The following DPP6 variants were observed in gnomAD, a reference collection of about 807,000 sequenced individuals.
The protein encoded by DPP6 is A-type potassium channel modulatory protein DPP6.
Under a neutral mutation model 122.6 loss-of-function variants are expected in DPP6, and 69 were observed. That is an observed-to-expected ratio of 0.56 (90% CI 0.46 to 0.69). The LOEUF (loss-of-function observed/expected upper bound fraction) is 0.69. Among genes scored for constraint, DPP6 ranks in the 30% least tolerant of loss-of-function variants. DPP6 has a pLI of 0.00. For synonymous variants in DPP6, 418 were observed against 433.1 expected (o/e 0.97, Z 0.43); for missense variants, 928 against 1,116.9 (o/e 0.83, Z 2.41).
At chr7:153,867,128 T>G in the DPP6 span, among the ~76,000 whole-genome samples, 7 of 152,330 alleles carry the variant, frequency 4.6e-5, no homozygotes, top group Non-Finnish European at 1.0e-4. Flanking sequence ...GACTTGGCAA[T>G]GCGGGCTCTT....
chr7:154,651,902 A>G (rs1410713078), intron 6 of DPP6, among the ~76,000 whole-genome samples: 1 of 152,186 alleles, frequency 6.6e-6, no homozygotes, highest in Non-Finnish European at 1.5e-5. Flanking sequence ...GCATCCTCAC[A>G]CAAAGCCCCA....
chr7:154,466,799 A>G (rs61190656), intron 2 of DPP6, among the ~76,000 whole-genome samples: 9,848 of 152,270 alleles, frequency 0.065, 1,020 homozygotes, highest in African/African-American at 0.22. Flanking sequence ...AAAGATTCAC[A>G]TCCTTCTCAT....
chr7:153,798,370 A>G, the DPP6 span, among the ~76,000 whole-genome samples: 24 of 152,300 alleles, frequency 1.6e-4, no homozygotes, highest in South Asian at 4.8e-3. Context: ...GAAGAAAGAA[A>G]TGTCTTCTAC....
chr7:154,111,228 C>T (rs930478967), intron 1 of DPP6, among the ~76,000 whole-genome samples: 3 of 152,206 alleles, frequency 2.0e-5, no homozygotes, highest in Non-Finnish European at 4.4e-5. Flanking sequence ...AAGTAGGTCT[C>T]TCCCATCAAA....
chr7:154,678,390 C>T (rs574389776), intron 7 of DPP6, among the ~76,000 whole-genome samples: 1 of 152,292 alleles, frequency 6.6e-6, no homozygotes, highest in Admixed American at 6.5e-5. Context: ...CTTCTGAAGT[C>T]AGTGAGACCA....
chr7:154,699,904 G>A (rs1162548493), intron 7 of DPP6, among the ~76,000 whole-genome samples: 2 of 152,176 alleles, frequency 1.3e-5, no homozygotes, highest in Non-Finnish European at 2.9e-5. Flanking sequence ...TTCAGAGTGT[G>A]GGCTCTGGAG....
chr7:154,174,444 C>T (rs562392860), intron 1 of DPP6, among the ~76,000 whole-genome samples: 9 of 152,164 alleles, frequency 5.9e-5, no homozygotes, highest in East Asian at 3.9e-4. Context: ...CTCCAGTGCA[C>T]GGCACATTTT....
intron 2 of DPP6, among the ~76,000 whole-genome samples, chr7:154,461,809 T>A (rs537808863): frequency 2.8e-4 from 42 of 152,366 alleles, no homozygotes; most frequent in African/African-American, 1.0e-3. Flanking sequence ...TACTCCATTC[T>A]GTGGGTTGTC....
the DPP6 span, among the ~76,000 whole-genome samples, chr7:153,749,450 C>T: frequency 1.3e-5 from 2 of 152,038 alleles, no homozygotes; most frequent in East Asian, 1.9e-4. This position sits in a 1 kb window ranked among gnomAD's most constrained non-coding sequence, Gnocchi z 4.1. Context: ...GGGGCTCTCC[C>T]GCGGGCGCTG....
intron 2 of DPP6, among the ~76,000 whole-genome samples, chr7:154,450,724 C>A (rs1231478213): frequency 6.6e-6 from 1 of 152,118 alleles, no homozygotes; most frequent in Non-Finnish European, 1.5e-5. Flanking sequence ...TTTAGAGGGG[C>A]TGGGGGAGGA....
intron 7 of DPP6, among the ~76,000 whole-genome samples, chr7:154,672,207 C>T (rs1838612957): frequency 6.6e-6 from 1 of 152,116 alleles, no homozygotes; most frequent in Admixed American, 6.6e-5. Flanking sequence ...GTGCCTTCTG[C>T]CGTGATTGTA....
At chr7:154,849,562 C>T (rs972958464) in intron 16 of DPP6, among the ~76,000 whole-genome samples, 1 of 152,140 alleles carries the variant, frequency 6.6e-6, no homozygotes, top group Non-Finnish European at 1.5e-5. Context: ...TTCTAACATT[C>T]CTTTGGTGCA....
the DPP6 span, among the ~76,000 whole-genome samples, chr7:153,849,960 C>T: frequency 6.6e-6 from 1 of 152,112 alleles, no homozygotes; most frequent in East Asian, 1.9e-4. Context: ...AATTTGGACC[C>T]ATTCATAATT....
At chr7:154,008,828 AT>A (rs1298676342) in intron 1 of DPP6, among the ~76,000 whole-genome samples, 44 of 147,276 alleles carry the variant, frequency 3.0e-4, no homozygotes, top group East Asian at 4.0e-4. Flanking sequence ...CGCCCGGCTA[AT>A]TTTTTTTTTG....
chr7:154,342,732 A>G (rs1563513260), intron 1 of DPP6, among the ~76,000 whole-genome samples: 1 of 152,208 alleles, frequency 6.6e-6, no homozygotes, highest in East Asian at 1.9e-4. Flanking sequence ...TAAGGAAACC[A>G]TAAATGAATT....
chr7:154,748,825 A>G (rs1207231615), intron 8 of DPP6, among the ~76,000 whole-genome samples: 5 of 152,204 alleles, frequency 3.3e-5, no homozygotes, highest in Admixed American at 6.5e-5. Flanking sequence ...CTGCAAGCCC[A>G]GTTCCCATCA....
chr7:154,811,102 C>T (rs1173041105), intron 16 of DPP6, among the ~76,000 whole-genome samples: 3 of 152,186 alleles, frequency 2.0e-5, no homozygotes, highest in African/African-American at 7.2e-5. Flanking sequence ...TACAAAATTG[C>T]TCTTTAAAGT....
rs530554468 is a variant in DPP6, at chr7:154,143,696, A to G, written c.243+90633A>G. Among the ~76,000 whole-genome samples, 761 of 151,782 alleles carry G rather than the reference A, an allele frequency of 5.0e-3. 3 individuals are homozygous for G. Among genetic ancestry groups the G allele is most frequent in the African/African-American group, 0.018 (727 of 41,468 alleles). ...ACAAAATGGTGTGACTTTATTCTGT[A>G]ACCTGCTGCTTTGCATAGAAATAAA... On this transcript the variant is annotated intron_variant, in intron 1 of 25. Coordinates refer to ENST00000377770, the MANE Select transcript of DPP6 (RefSeq NM_130797.4).
intron 5 of DPP6, among the ~76,000 whole-genome samples, chr7:154,633,206 CTATTT>C (rs1356026321): frequency 6.6e-6 from 1 of 151,882 alleles, no homozygotes; most frequent in Non-Finnish European, 1.5e-5. Flanking sequence ...AATATTTAGT[CTATTT>C]TATTTTTTAT....
Sources: gnomAD v4.1 joint callset for allele counts (sites outside exome capture counted in the v4.1 genomes callset) on GRCh38, gnomAD v4.1.1 for gene constraint, Gnocchi (gnomAD v3.1) non-coding constraint, MANE v1.5 for transcripts, NCBI Gene and HGNC (gene_info 2026-07-23, HGNC 2026-07-21) for gene names.